Variants in AP3B1 observed in about 807,000 individuals in gnomAD.
AP3B1 encodes adaptor related protein complex 3 subunit beta 1.
A neutral mutation model predicts 132.5 loss-of-function variants in AP3B1; 61 were observed. That is an observed-to-expected ratio of 0.46 (90% CI 0.37 to 0.57). The LOEUF is 0.57. Among genes scored for constraint, AP3B1 ranks in the 20% least tolerant of loss-of-function variants. AP3B1 has a pLI of 0.00. For synonymous variants in AP3B1, 388 were observed against 438.3 expected, an observed-to-expected ratio of 0.89 and a Z score of 1.43; for missense variants, 1,120 against 1,289.4, an observed-to-expected ratio of 0.87 and a Z score of 2.01.
At chr5:78,201,911 G>A (rs529929516) in intron 7 of AP3B1, among the ~76,000 whole-genome samples, 22 of 152,206 alleles carry the variant, frequency 1.4e-4, no homozygotes, top group African/African-American at 4.8e-4. Flanking sequence ...GAGGAGGAGC[G>A]ATGCAAAAGC....
At chr5:78,086,844 G>GT (rs553332084) in intron 22 of AP3B1, among the ~76,000 whole-genome samples, 22 of 150,116 alleles carry the variant, frequency 1.5e-4, no homozygotes, top group Non-Finnish European at 2.5e-4. Context: ...AAAATACGAA[G>GT]TTTTTTTTTT....
chr5:78,034,469 A>C lies in AP3B1; in HGVS notation c.2810-24T>G, dbSNP rs201884041. 8.0e-5 allele frequency: 123 copies of C among 1,537,950 alleles called. No individual in the cohort carries two copies. The East Asian group carries it at 2.5e-3, about 31-fold the overall frequency. On this transcript the variant is annotated intron_variant, in intron 23 of 26. Transcript: ENST00000255194. ...GTCTAGGAAATAAGATAATTTAGAC[A>C]TGAAAACACAGAGGATGTGAAAAAG...
intron 5 of AP3B1, among the ~76,000 whole-genome samples, chr5:78,225,855 A>T (rs1010647682): frequency 6.6e-6 from 1 of 152,048 alleles, no homozygotes; most frequent in Non-Finnish European, 1.5e-5. Context: ...GTACTGAAAG[A>T]ACAAGTTCAC....
intron 22 of AP3B1, among the ~76,000 whole-genome samples, chr5:78,046,320 G>A (rs964980553): frequency 6.6e-6 from 1 of 152,184 alleles, no homozygotes; most frequent in African/African-American, 2.4e-5. Context: ...TGTGAACTGC[G>A]CATGCGAGGG....
chr5:78,266,771 C>G (rs560271450), intron 2 of AP3B1, among the ~76,000 whole-genome samples: 12 of 152,068 alleles, frequency 7.9e-5, no homozygotes, highest in Non-Finnish European at 1.5e-4. Flanking sequence ...TCCTGAGCAT[C>G]AGATAGTCAG....
chr5:78,232,104 T>C (rs1226949598), intron 3 of AP3B1, among the ~76,000 whole-genome samples: 1 of 152,198 alleles, frequency 6.6e-6, no homozygotes, highest in Non-Finnish European at 1.5e-5. Context: ...AATAAAGATA[T>C]TTCACGATAG....
chr5:78,113,874 T>G lies in AP3B1; in HGVS notation c.2127A>C (p.Glu709Asp), dbSNP rs1367600123. The change falls in exon 19 of 27, where the codon GAA becomes GAC. Residue 709 changes from glutamate to aspartate, a missense_variant. This residue lies in a region of AP3B1 where 906 missense variants were observed against 997.1 expected (regional missense o/e 0.91). Coordinates refer to ENST00000255194, the MANE Select transcript of AP3B1 (RefSeq NM_003664.5). ...CACTGCTGTCCTCATTGCTGTCTCC[T>G]TCCTCCCCACTTTCGCCTTGTTCTC... ...ESGEQGESGEEGDSNEDSSED... is the reference protein window; with the variant it reads ...ESGEQGESGEDGDSNEDSSED... The G allele has an allele frequency of 1.2e-6, 2 of 1,614,240 alleles. No individual in the cohort carries two copies. Among genetic ancestry groups the G allele is most frequent in the East Asian group, 4.5e-5 (2 of 44,890 alleles).
chr5:78,067,595 A>G (rs974881541), intron 22 of AP3B1, among the ~76,000 whole-genome samples: 1 of 152,212 alleles, frequency 6.6e-6, no homozygotes, highest in Non-Finnish European at 1.5e-5. Flanking sequence ...ATCAAATTGG[A>G]ATTCAAGGTT....
intron 15 of AP3B1, among the ~76,000 whole-genome samples, chr5:78,130,019 C>CTT (rs1220561105): frequency 2.0e-5 from 3 of 152,060 alleles, no homozygotes; most frequent in Admixed American, 6.6e-5. Context: ...AAGGGAACAA[C>CTT]TTATTATAGT....
At chr5:78,015,619 C>T in intron 25 of AP3B1, 71 bp from the exon 26 acceptor site, 2 of 1,541,674 alleles carry the variant, frequency 1.3e-6, no homozygotes, top group Admixed American at 1.7e-5. Flanking sequence ...ATTTTAAGCT[C>T]ATGGCCAAAA....
intron 1 of AP3B1, among the ~76,000 whole-genome samples, chr5:78,275,072 T>C (rs1334072377): frequency 6.6e-6 from 1 of 152,180 alleles, no homozygotes; most frequent in Non-Finnish European, 1.5e-5. Flanking sequence ...CTATAGATAA[T>C]ACAAAAACAA....
In AP3B1 at chr5:78,168,013, G is replaced by GAA. The variant is rs149936824; in HGVS notation, c.1168-2343_1168-2342dup. 4.8e-3 allele frequency among the ~76,000 whole-genome samples: 536 copies of GAA among 110,734 alleles called. 4 individuals carry two copies. The highest frequency in any genetic ancestry group is 6.6e-3 in the African/African-American group (175 of 26,692). 72.6% of individuals were successfully genotyped at this position (110,734 alleles called of 152,430 possible). A position where few individuals can be genotyped will look rare whatever the true frequency, so the allele number is the denominator to read the frequency against. On this transcript the variant is annotated intron_variant, in intron 11 of 26. Transcript: ENST00000255194. ...ACCACCTGTTCACCAAAAACCTACT[G>GAA]AAAAAAAAAAAAAAACAAAAAAAAT...
chr5:78,208,952 G>A (rs890596001), intron 7 of AP3B1, among the ~76,000 whole-genome samples: 3 of 151,756 alleles, frequency 2.0e-5, no homozygotes, highest in African/African-American at 7.3e-5. Flanking sequence ...TTCCAAAGAT[G>A]AAAGAGGTAA....
chr5:78,099,975 C>G (rs1272157319), intron 21 of AP3B1, among the ~76,000 whole-genome samples: 1 of 151,962 alleles, frequency 6.6e-6, no homozygotes, highest in Non-Finnish European at 1.5e-5. Context: ...AAGAGCTGTA[C>G]CTATTTATAT....
Position 78,020,784 on chromosome 5 carries a change from TTGGTACTGAAGAAAAACAATCAAAGC to T in AP3B1, c.2895-21_2899del. ...AATATTAACATTGAAGCAATCATCC[TTGGTACTGAAGAAAAACAATCAAAGC>T]TGACTAAATGCTTCATAAATAAACA... On this transcript the variant is annotated splice_acceptor_variant and splice_polypyrimidine_tract_variant and coding_sequence_variant and intron_variant, in exon 25 of 27. Transcript: ENST00000255194. LOFTEE classifies it high-confidence loss of function. The T allele has an allele frequency of 6.2e-7, 1 of 1,610,606 alleles. No individual in the cohort carries two copies. The highest frequency in any genetic ancestry group is 1.1e-5 in the South Asian group (1 of 91,024).
chr5:78,119,043 T>C (rs1752014997), intron 17 of AP3B1, among the ~76,000 whole-genome samples: 2 of 152,182 alleles, frequency 1.3e-5, no homozygotes, highest in Non-Finnish European at 2.9e-5. Flanking sequence ...TAGCCACTGC[T>C]GTTCTGCACC....
chr5:78,193,770 A>ATATATTTTTTTTTTTT, intron 7 of AP3B1, among the ~76,000 whole-genome samples: 20 of 67,190 alleles, frequency 3.0e-4, no homozygotes, highest in East Asian at 6.7e-4. Context: ...ATATATATAT[A>ATATATTTTTTTTTTTT]TTTTTTTTTT....
chr5:78,096,829 G>C (rs577605503), intron 21 of AP3B1, among the ~76,000 whole-genome samples: 1 of 151,210 alleles, frequency 6.6e-6, no homozygotes, highest in African/African-American at 2.4e-5. Context: ...CGCCCCGTCC[G>C]GGAGGGAGGG....
intron 7 of AP3B1, among the ~76,000 whole-genome samples, chr5:78,193,744 TTA>T (rs10602406): frequency 0.16 from 17,607 of 110,218 alleles, 1,502 homozygotes; most frequent in Middle Eastern, 0.2. Context: ...ATATATTTTT[TTA>T]TATATATATA....
Sources: gnomAD v4.1 joint callset for allele counts (sites outside exome capture counted in the v4.1 genomes callset) on GRCh38, gnomAD v4.1.1 for gene constraint, gnomAD v4.1.1 regional missense constraint, MANE v1.5 for transcripts, NCBI Gene and HGNC (gene_info 2026-07-23, HGNC 2026-07-21) for gene names.